Variants in ZFAND3 observed in about 807,000 individuals in gnomAD.
ZFAND3 encodes AN1-type zinc finger protein 3.
Under a neutral mutation model 29.6 loss-of-function variants are expected in ZFAND3, and 10 were observed. That is an observed-to-expected ratio of 0.34 (90% CI 0.21 to 0.57). The LOEUF is 0.57. Among genes scored for constraint, ZFAND3 ranks in the 20% least tolerant of loss-of-function variants. The probability of loss-of-function intolerance (pLI) is 0.86; values close to 1 mark genes in which losing one functional copy is unlikely to be tolerated. For synonymous variants in ZFAND3, 128 were observed against 112.6 expected (o/e 1.14, Z -0.87); for missense variants, 230 against 304.5 (o/e 0.76, Z 1.82).
At chr6:38,142,761 G>A (rs572258907) in intron 5 of ZFAND3, among the ~76,000 whole-genome samples, 1 of 152,282 alleles carries the variant, frequency 6.6e-6, no homozygotes, top group Non-Finnish European at 1.5e-5. Context: ...CCTAAAGACT[G>A]CCCCAGGTAC....
intron 1 of ZFAND3, among the ~76,000 whole-genome samples, chr6:37,822,771 C>T (rs2127363452): frequency 6.6e-6 from 1 of 152,296 alleles, no homozygotes; most frequent in East Asian, 1.9e-4. Flanking sequence ...TCCTTTCAGG[C>T]AGTGGGACTA....
In ZFAND3 at chr6:37,896,568, T is replaced by TTCTTTCTTTCTTTCTTTCTC. The variant is rs1347314739; in HGVS notation, c.72-33388_72-33387insTTCTTTCTTTCTTTCTCTCT. Among the ~76,000 whole-genome samples, 43 of 145,740 alleles carry TTCTTTCTTTCTTTCTTTCTC rather than the reference T, an allele frequency of 3.0e-4. No individual in the cohort carries two copies. The East Asian group carries it at 6.6e-3, about 23-fold the overall frequency. ...TTTCTTTCTTTCTTTCTTTCTTTCT[T>TTCTTTCTTTCTTTCTTTCTC]TCTCTCTTTCTCTCTCTTTCTCTTT... On this transcript the variant is annotated intron_variant, in intron 1 of 5. Transcript: ENST00000287218.
chr6:38,074,093 C>T (rs968861496), intron 3 of ZFAND3, among the ~76,000 whole-genome samples: 6 of 152,146 alleles, frequency 3.9e-5, no homozygotes, highest in African/African-American at 1.4e-4. Flanking sequence ...TTCACTGGTT[C>T]TATACCAGTG....
intron 1 of ZFAND3, among the ~76,000 whole-genome samples, chr6:37,847,009 C>T (rs1030836123): frequency 3.3e-5 from 5 of 151,416 alleles, no homozygotes; most frequent in Non-Finnish European, 5.9e-5. Flanking sequence ...CTGTGCCTGG[C>T]GTATACTTGT....
intron 2 of ZFAND3, among the ~76,000 whole-genome samples, chr6:37,999,712 C>T (rs987053732): frequency 2.0e-5 from 3 of 152,150 alleles, no homozygotes; most frequent in Non-Finnish European, 2.9e-5. Context: ...ATCTAAGAAA[C>T]TATCACAGCT....
intron 1 of ZFAND3, among the ~76,000 whole-genome samples, chr6:37,916,528 C>T (rs1761257836): frequency 6.6e-6 from 1 of 152,058 alleles, no homozygotes; most frequent in Admixed American, 6.6e-5. Flanking sequence ...GGCGTGGTGG[C>T]ACGTGCCTGT....
intron 4 of ZFAND3, among the ~76,000 whole-genome samples, chr6:38,098,226 A>G (rs1765020711): frequency 2.0e-5 from 3 of 152,068 alleles, no homozygotes; most frequent in African/African-American, 7.2e-5. Context: ...GTCTCACTGC[A>G]ATCCCTGCCT....
intron 4 of ZFAND3, among the ~76,000 whole-genome samples, chr6:38,107,597 C>T (rs377011251): frequency 3.0e-4 from 46 of 152,130 alleles, no homozygotes; most frequent in Non-Finnish European, 5.7e-4. Flanking sequence ...TTGGGGAGGC[C>T]GAGGTGGGCG....
In ZFAND3 at chr6:38,153,383, A is replaced by G. The variant is rs1581966021; in HGVS notation, c.*994A>G. The G allele has an allele frequency of 2.0e-6, 2 of 985,374 alleles. No individual in the cohort carries two copies. Among genetic ancestry groups the G allele is most frequent in the African/African-American group, 3.5e-5 (2 of 57,252 alleles). 61.0% of individuals were successfully genotyped at this position (985,374 alleles called of 1,614,324 possible). On this transcript the variant is annotated 3_prime_UTR_variant, in exon 6 of 6. Coordinates refer to ENST00000287218, the MANE Select transcript of ZFAND3 (RefSeq NM_021943.3). ...TCCAGCTGGAGCCGCCCGTGCCTCC[A>G]GGGGCCAAGAGGATGATGTCGTGGC...
rs572977856 is a variant in ZFAND3, at chr6:37,823,651, G to C, written c.71+3635G>C. 2.6e-5 allele frequency among the ~76,000 whole-genome samples: 4 copies of C among 152,248 alleles called. No homozygotes were observed. The South Asian group carries it at 8.3e-4, about 32-fold the overall frequency. The stretch of plus-strand genomic sequence containing the variant: ...CAGTTCTCTCCCTCTTGGCTTGTAT[G>C]GTATAAATTGTGTACAGGTAATTAA... On this transcript the variant is annotated intron_variant, in intron 1 of 5. Coordinates refer to ENST00000287218, the MANE Select transcript of ZFAND3 (RefSeq NM_021943.3).
chr6:37,887,474 A>C (rs975086576), intron 1 of ZFAND3, among the ~76,000 whole-genome samples: 5 of 152,218 alleles, frequency 3.3e-5, no homozygotes, highest in African/African-American at 9.6e-5. Context: ...GGAAAGTCAT[A>C]ATCAAATCAG....
At chr6:37,921,623 TC>T (rs1761380927) in intron 1 of ZFAND3, among the ~76,000 whole-genome samples, 1 of 151,968 alleles carries the variant, frequency 6.6e-6, no homozygotes, top group Admixed American at 6.6e-5. Flanking sequence ...TTACTAGAAT[TC>T]CCCAAGATGA....
At chr6:37,912,379 AT>A (rs970985837) in intron 1 of ZFAND3, among the ~76,000 whole-genome samples, 59 of 152,188 alleles carry the variant, frequency 3.9e-4, no homozygotes, top group Admixed American at 2.6e-4. Context: ...AGAATACCTG[AT>A]GGTTCAGGAA....
At chr6:38,061,429 T>C (rs1320714599) in intron 2 of ZFAND3, among the ~76,000 whole-genome samples, 164 bp from the exon 3 acceptor site, 4 of 152,232 alleles carry the variant, frequency 2.6e-5, no homozygotes, top group African/African-American at 4.8e-5. Flanking sequence ...TCCACTAATC[T>C]TAAACGTTTT....
At chr6:38,077,589 A>G (rs557411040) in intron 3 of ZFAND3, among the ~76,000 whole-genome samples, 27 of 152,294 alleles carry the variant, frequency 1.8e-4, no homozygotes, top group African/African-American at 6.5e-4. Context: ...ATTCCGTGGT[A>G]GTCTATTTTT....
At chr6:38,036,638 C>A (rs1763662838) in intron 2 of ZFAND3, among the ~76,000 whole-genome samples, 1 of 152,052 alleles carries the variant, frequency 6.6e-6, no homozygotes, top group South Asian at 2.1e-4. Flanking sequence ...ATTACAGACT[C>A]ATCAAGTAGA....
Position 37,820,030 on chromosome 6 carries a change from C to A in ZFAND3, c.71+14C>A, listed in dbSNP as rs1385468002. 5 of 532,838 alleles carry A rather than the reference C, an allele frequency of 9.4e-6. No homozygotes were observed. The highest frequency in any genetic ancestry group is 6.0e-4 in the Middle Eastern group (1 of 1,672). The allele number at this position is 532,838 out of a possible 1,614,324, so 33.0% of individuals were successfully genotyped here. A position where few individuals can be genotyped will look rare whatever the true frequency, so the allele number is the denominator to read the frequency against. ...CGGCTTCTGGGGGTAAGTGCCCGGC[C>A]GGGTGGGGGCGGGGGGCGGGGGCCG... On this transcript the variant is annotated intron_variant, in intron 1 of 5. Coordinates refer to ENST00000287218, the MANE Select transcript of ZFAND3 (RefSeq NM_021943.3).
At chr6:38,092,956 A>G (rs1318152814) in intron 4 of ZFAND3, among the ~76,000 whole-genome samples, 2 of 152,158 alleles carry the variant, frequency 1.3e-5, no homozygotes, top group Non-Finnish European at 2.9e-5. Context: ...TGTTAGAGAT[A>G]TTGTAGTTTT....
intron 1 of ZFAND3, among the ~76,000 whole-genome samples, chr6:37,825,130 TA>T (rs1289885890): frequency 6.6e-6 from 1 of 152,160 alleles, no homozygotes; most frequent in Non-Finnish European, 1.5e-5. Flanking sequence ...TGGCTCCTCA[TA>T]GTGTGTGGAC....
Sources: allele counts gnomAD v4.1 joint callset (sites outside exome capture counted in the v4.1 genomes callset), GRCh38; gene constraint gnomAD v4.1.1; transcripts MANE v1.5; gene names NCBI Gene and HGNC (gene_info 2026-07-23, HGNC 2026-07-21).